SLC35A1: variants seen among roughly 807,000 people sequenced by gnomAD.
SLC35A1 encodes CMP-sialic acid transporter.
A neutral mutation model predicts 40.3 loss-of-function variants in SLC35A1; 21 were observed. The ratio of observed to expected loss-of-function variants is 0.52; its 90% CI spans 0.37 to 0.75. The LOEUF (loss-of-function observed/expected upper bound fraction) is 0.75. Ranked by LOEUF, SLC35A1 falls within the 30% of genes least tolerant of loss-of-function variation. The probability of loss-of-function intolerance (pLI) is 0.00; values close to 1 mark genes in which losing one functional copy is unlikely to be tolerated. For missense variants in SLC35A1, 297 were observed against 382.1 expected, an observed-to-expected ratio of 0.78 and a Z score of 1.86; for synonymous variants, 146 against 147.3, an observed-to-expected ratio of 0.99 and a Z score of 0.06.
intron 3 of SLC35A1, 94 bp from the exon 4 acceptor site, chr6:87,501,060 ATTTT>A (rs768264524): frequency 3.5e-5 from 44 of 1,242,402 alleles, no homozygotes; most frequent in Non-Finnish European, 3.5e-5. Flanking sequence ...ATTATCAAAT[ATTTT>A]TTATTGATAA....
intron 2 of SLC35A1, among the ~76,000 whole-genome samples, chr6:87,483,497 T>C (rs1769304404): frequency 6.6e-6 from 1 of 151,694 alleles, no homozygotes; most frequent in Non-Finnish European, 1.5e-5. Context: ...TTCACCTCTT[T>C]TGAGGTTCAA....
rs1459990145 is a variant in SLC35A1, at chr6:87,477,316, C to T, written c.17-46C>T. 2.1e-6 allele frequency: 3 copies of T among 1,426,902 alleles called. No individual in the cohort carries two copies. The South Asian group carries it at 3.5e-5, about 17-fold the overall frequency. 88.4% of individuals were successfully genotyped at this position (1,426,902 alleles called of 1,614,324 possible). Reference sequence around the variant, plus strand: ...TAACTAGTTTATTAACTTATATATACATATATTGTCTACTAAGTAATGTCT... The same window carrying T: ...TAACTAGTTTATTAACTTATATATATATATATTGTCTACTAAGTAATGTCT... On this transcript the variant is annotated intron_variant, in intron 1 of 7. Coordinates refer to ENST00000369552, the MANE Select transcript of SLC35A1 (RefSeq NM_006416.5).
intron 6 of SLC35A1, 40 bp downstream of exon 6, chr6:87,508,636 ATTTTTT>A: frequency 1.4e-6 from 2 of 1,441,692 alleles, no homozygotes; most frequent in Non-Finnish European, 1.9e-6. Context: ...TAGATCCTTT[ATTTTTT>A]TTTTAAGTTA....
intron 4 of SLC35A1, among the ~76,000 whole-genome samples, chr6:87,505,111 T>G (rs1770037759): frequency 6.6e-6 from 1 of 152,202 alleles, no homozygotes; most frequent in Non-Finnish European, 1.5e-5. Flanking sequence ...GGGTCCATAC[T>G]TTGAGAACCA....
chr6:87,477,238 C>A, intron 1 of SLC35A1, 124 bp from the exon 2 acceptor site: 28 of 889,242 alleles, frequency 3.1e-5, no homozygotes, highest in Admixed American at 7.3e-5. Context: ...AATTTTTAAG[C>A]ATGAGTTTTA....
chr6:87,478,324 G>T (rs1769133680), intron 2 of SLC35A1, among the ~76,000 whole-genome samples: 2 of 152,056 alleles, frequency 1.3e-5, no homozygotes, highest in Admixed American at 1.3e-4. Context: ...GCTTCAGTTT[G>T]TTCATTTTTT....
At chr6:87,478,510 G>A (rs1769143412) in intron 2 of SLC35A1, among the ~76,000 whole-genome samples, 1 of 152,172 alleles carries the variant, frequency 6.6e-6, no homozygotes, top group Non-Finnish European at 1.5e-5. Flanking sequence ...ATAGTGTTGT[G>A]TGTAGGCTTT....
intron 2 of SLC35A1, chr6:87,499,217 A>G (rs1450858919): frequency 5.0e-6 from 3 of 597,392 alleles, no homozygotes; most frequent in Non-Finnish European, 4.2e-6. Context: ...AACTTGGGCA[A>G]TTATATTTGC....
At position 87,506,387 on chromosome 6, in the gene SLC35A1, A is replaced by G. The variant is rs573293225; in HGVS notation, c.513A>G (p.Glu171=). Residue 171 remains glutamate, a synonymous_variant, in exon 5 of 8, where the codon GAA becomes GAG. Transcript: ENST00000369552. The part of the protein sequence containing the change: ...KPAQATKVVV[E]QNPLLGFGAI... Reference sequence around the variant, plus strand: ...TTTAACAATTAATATTGCAGGTGGAACAAAATCCATTATTAGGGTTTGGCG... The same window carrying G: ...TTTAACAATTAATATTGCAGGTGGAGCAAAATCCATTATTAGGGTTTGGCG... The G allele has an allele frequency of 1.9e-6, 3 of 1,612,880 alleles. No homozygotes were observed. The highest frequency in any genetic ancestry group is 1.1e-5 in the South Asian group (1 of 91,072).
At chr6:87,474,342 A>G (rs1283888726) in intron 1 of SLC35A1, among the ~76,000 whole-genome samples, 2 of 152,246 alleles carry the variant, frequency 1.3e-5, no homozygotes, top group African/African-American at 4.8e-5. Flanking sequence ...ATTACAAATA[A>G]TGTCCCCATA....
intron 2 of SLC35A1, among the ~76,000 whole-genome samples, chr6:87,480,775 A>G (rs1769221608): frequency 6.6e-6 from 1 of 152,192 alleles, no homozygotes; most frequent in Non-Finnish European, 1.5e-5. Flanking sequence ...AGATAGATAG[A>G]CTAAGCTTTT....
intron 4 of SLC35A1, among the ~76,000 whole-genome samples, chr6:87,505,720 C>T (rs1045384737): frequency 6.6e-6 from 1 of 152,172 alleles, no homozygotes; most frequent in Non-Finnish European, 1.5e-5. Flanking sequence ...TTATCAGAAA[C>T]CTGCTCCCTC....
At chr6:87,481,377 A>G (rs1253251515) in intron 2 of SLC35A1, among the ~76,000 whole-genome samples, 1 of 151,140 alleles carries the variant, frequency 6.6e-6, no homozygotes, top group African/African-American at 2.4e-5. Flanking sequence ...AGATCGCGCC[A>G]TTGCACTCTA....
chr6:87,502,984 G>C (rs974604958), intron 4 of SLC35A1, among the ~76,000 whole-genome samples: 1 of 152,234 alleles, frequency 6.6e-6, no homozygotes, highest in Admixed American at 6.5e-5. Flanking sequence ...TGTTAGCTTT[G>C]GGTCATTGCT....
intron 2 of SLC35A1, among the ~76,000 whole-genome samples, chr6:87,480,187 C>A (rs535972221): frequency 6.6e-6 from 1 of 152,160 alleles, no homozygotes; most frequent in Non-Finnish European, 1.5e-5. Flanking sequence ...GTTAGAGACA[C>A]GAGGTAAAAT....
chr6:87,501,445 C>T (rs978721223), intron 4 of SLC35A1, 135 bp downstream of exon 4: 5 of 870,184 alleles, frequency 5.7e-6, no homozygotes, highest in African/African-American at 1.7e-5. Context: ...TATAGATAGG[C>T]CTTTTTTCTT....
In SLC35A1 at chr6:87,509,013, T is replaced by C. The variant is rs760322515; in HGVS notation, c.752-28T>C. On this transcript the variant is annotated intron_variant, in intron 6 of 7. Coordinates refer to ENST00000369552, the MANE Select transcript of SLC35A1 (RefSeq NM_006416.5). ...TGTAATGTTTCATTTATTTGAGTGA[T>C]AAGATTTTATTTCTCTCTGTATACA... 3 of 1,612,702 alleles carry C rather than the reference T, an allele frequency of 1.9e-6. No homozygotes were observed. In the African/African-American group the frequency reaches 4.0e-5, roughly 21 times the overall value.
At position 87,501,160 on chromosome 6, in the gene SLC35A1, G is replaced by T. The variant is rs1005198964; in HGVS notation, c.357G>T (p.Val119=). ...LSNLDAAVYQ[V]TYQLKIPCTA... is the part of the protein sequence containing the mutation. ...TTAATTCATTCTCTTTTTTTTAGGT[G>T]ACCTACCAGTTGAAGATTCCGTGTA... is the stretch of plus-strand genomic sequence containing the variant. The change falls in exon 4 of 8, where the codon GTG becomes GTT. Residue 119 remains valine (V), a splice_region_variant and synonymous_variant. Transcript: ENST00000369552. 2 of 1,611,244 alleles carry T rather than the reference G, an allele frequency of 1.2e-6. No homozygotes were observed. The highest frequency in any genetic ancestry group is 3.3e-5 in the Admixed American group (2 of 59,912).
chr6:87,479,270 G>A (rs796145968), intron 2 of SLC35A1, among the ~76,000 whole-genome samples: 2 of 152,080 alleles, frequency 1.3e-5, no homozygotes, highest in African/African-American at 4.8e-5. Flanking sequence ...TCAATTTTCC[G>A]AAAGAAGAAG....
Sources: gnomAD v4.1 joint callset for allele counts (sites outside exome capture counted in the v4.1 genomes callset) on GRCh38, gnomAD v4.1.1 for gene constraint, MANE v1.5 for transcripts, NCBI Gene and HGNC (gene_info 2026-07-23, HGNC 2026-07-21) for gene names.